CDC42EP3: variants seen among roughly 807,000 people sequenced by gnomAD.
CDC42EP3 encodes CDC42 effector protein 3.
In CDC42EP3, 4 loss-of-function variants were observed where a neutral mutation model predicts 15.5. That is an observed-to-expected ratio of 0.26 (90% CI 0.13 to 0.59). The LOEUF is 0.59. Among genes scored for constraint, CDC42EP3 ranks in the 20% least tolerant of loss-of-function variants. CDC42EP3 has a pLI of 0.89. For missense variants in CDC42EP3, 309 were observed against 311.2 expected (o/e 0.99, Z 0.05); for synonymous variants, 145 against 130.3 (o/e 1.11, Z -0.77).
intron 1 of CDC42EP3, among the ~76,000 whole-genome samples, chr2:37,666,516 A>C (rs1295736539): frequency 6.6e-6 from 1 of 152,200 alleles, no homozygotes; most frequent in Non-Finnish European, 1.5e-5. Flanking sequence ...ATAAAACCCA[A>C]TCCACTGAAA....
rs1197667590 is a variant in CDC42EP3, at chr2:37,666,262, C to T, written c.-236+5164G>A. 7.2e-5 allele frequency among the ~76,000 whole-genome samples: 11 copies of T among 152,318 alleles called. No individual in the cohort carries two copies. The Middle Eastern group carries it at 0.017, about 235-fold the overall frequency. On this transcript the variant is annotated intron_variant, in intron 1 of 1. Transcript: ENST00000295324. ...TCAGTGGGCAAAACCATTTGAGAAACTCTGGACACGACCTCCCTGTGGAGA... is the reference window on the plus strand; with the variant it reads ...TCAGTGGGCAAAACCATTTGAGAAATTCTGGACACGACCTCCCTGTGGAGA...
intron 1 of CDC42EP3, among the ~76,000 whole-genome samples, chr2:37,661,244 T>A (rs533071115): frequency 2.3e-4 from 35 of 152,132 alleles, no homozygotes; most frequent in Non-Finnish European, 4.3e-4. Context: ...AGTAAAGGTC[T>A]GGGTTTTGAA....
rs529244296 is a variant in CDC42EP3, at chr2:37,662,342, C to G, written c.-236+9084G>C. ...CACCTGGCAGGCAATGAGCCCATATCAATGGAAGGGGTAATGTTCATTATA... is the reference window on the plus strand; with the variant it reads ...CACCTGGCAGGCAATGAGCCCATATGAATGGAAGGGGTAATGTTCATTATA... On this transcript the variant is annotated intron_variant, in intron 1 of 1. Transcript: ENST00000295324. 5.3e-4 allele frequency among the ~76,000 whole-genome samples: 80 copies of G among 152,222 alleles called. 1 individual carries two copies. The South Asian group carries it at 6.2e-3, about 12-fold the overall frequency.
chr2:37,653,834 G>A (rs1665762669), intron 1 of CDC42EP3, among the ~76,000 whole-genome samples: 1 of 152,096 alleles, frequency 6.6e-6, no homozygotes, highest in Admixed American at 6.5e-5. Flanking sequence ...ATAAAAATGG[G>A]CAGGTGGGTT....
Position 37,645,640 on chromosome 2 carries a change from T to C in CDC42EP3, c.*183A>G, listed in dbSNP as rs1416938909. 2.8e-5 allele frequency: 14 copies of C among 499,368 alleles called. No individual in the cohort carries two copies. Among genetic ancestry groups the C allele is most frequent in the African/African-American group, 2.8e-4 (14 of 50,716 alleles). 30.9% of individuals were successfully genotyped at this position (499,368 alleles called of 1,614,324 possible). A position where few individuals can be genotyped will look rare whatever the true frequency, so the allele number is the denominator to read the frequency against. On this transcript the variant is annotated 3_prime_UTR_variant, in exon 2 of 2. Transcript: ENST00000295324. ...TTTTTTTGCCAAGATAGGTTTTGCTTTGTTGTTTTTTTCTAAATTGTTTTT... is the reference window on the plus strand; with the variant it reads ...TTTTTTTGCCAAGATAGGTTTTGCTCTGTTGTTTTTTTCTAAATTGTTTTT...
At chr2:37,652,099 C>T (rs1478801905) in intron 1 of CDC42EP3, among the ~76,000 whole-genome samples, 1 of 128,320 alleles carries the variant, frequency 7.8e-6, no homozygotes, top group African/African-American at 2.9e-5. Flanking sequence ...GGCATGAACC[C>T]GGGAGGCGGA....
intron 1 of CDC42EP3, among the ~76,000 whole-genome samples, chr2:37,669,121 A>G (rs72881332): frequency 0.057 from 8,674 of 152,148 alleles, 235 homozygotes; most frequent in Middle Eastern, 0.078. Flanking sequence ...AATAATAATA[A>G]TACGATCAGA....
At chr2:37,656,445 C>T (rs916668390) in intron 1 of CDC42EP3, among the ~76,000 whole-genome samples, 4 of 152,146 alleles carry the variant, frequency 2.6e-5, no homozygotes, top group Non-Finnish European at 4.4e-5. Flanking sequence ...GACTTGCTCC[C>T]GGGGGCCAAA....
At chr2:37,668,641 A>C (rs12477217) in intron 1 of CDC42EP3, among the ~76,000 whole-genome samples, 93,230 of 152,064 alleles carry the variant, frequency 0.61, 29,189 homozygotes, top group African/African-American at 0.72. Flanking sequence ...TGTGTTGTTA[A>C]ACTGCACACG....
In CDC42EP3 at chr2:37,642,170, T is replaced by C. The variant is rs1665288638; in HGVS notation, c.*3653A>G. 1.3e-5 allele frequency: 2 copies of C among 152,192 alleles called. No homozygotes were observed. The highest frequency in any genetic ancestry group is 4.8e-5 in the African/African-American group (2 of 41,446). 9.4% of individuals were successfully genotyped at this position (152,192 alleles called of 1,614,324 possible). A position where few individuals can be genotyped will look rare whatever the true frequency, so the allele number is the denominator to read the frequency against. ...AATAGTGCACCATCAGAATAAAGCA[T>C]GCAATATATTTACAGTCAGATGAAA... is the stretch of plus-strand genomic sequence containing the variant. On this transcript the variant is annotated 3_prime_UTR_variant, in exon 2 of 2. Coordinates refer to ENST00000295324, the MANE Select transcript of CDC42EP3 (RefSeq NM_006449.5).
chr2:37,660,783 A>G (rs1394250996), intron 1 of CDC42EP3, among the ~76,000 whole-genome samples: 1 of 136,618 alleles, frequency 7.3e-6, no homozygotes, highest in African/African-American at 2.7e-5. Flanking sequence ...CGTCTACCTT[A>G]AGGTTAAAAA....
intron 1 of CDC42EP3, among the ~76,000 whole-genome samples, chr2:37,654,247 A>C (rs975613772): frequency 3.9e-5 from 6 of 152,034 alleles, no homozygotes; most frequent in African/African-American, 1.4e-4. Flanking sequence ...CCACATTTAG[A>C]AGGGATAAAG....
chr2:37,662,740 AC>A (rs1451262662), intron 1 of CDC42EP3, among the ~76,000 whole-genome samples: 2 of 152,160 alleles, frequency 1.3e-5, no homozygotes, highest in Admixed American at 6.5e-5. Flanking sequence ...CCAAAAATCA[AC>A]ACTCTTTAGG....
chr2:37,646,437 C>G lies in CDC42EP3; in HGVS notation c.151G>C (p.Asp51His). 3.1e-6 allele frequency: 5 copies of G among 1,614,148 alleles called. No homozygotes were observed. The highest frequency in any genetic ancestry group is 4.2e-6 in the Non-Finnish European group (5 of 1,180,030). ...TIHIGKEGQH[D>H]VFGDISFLQG... Reference sequence around the variant, plus strand: ...AGAAAGGAAATATCTCCAAAGACATCGTGCTGGCCCTCTTTGCCAATGTGG... The same window carrying G: ...AGAAAGGAAATATCTCCAAAGACATGGTGCTGGCCCTCTTTGCCAATGTGG... The change falls in exon 2 of 2, where the codon GAT (aspartate) becomes CAT (histidine). Residue 51 changes from aspartate to histidine, a missense_variant. By Grantham distance (81) the Asp-to-His change is moderately conservative. Transcript: ENST00000295324.
intron 1 of CDC42EP3, among the ~76,000 whole-genome samples, chr2:37,665,841 A>T (rs569479583): frequency 9.4e-6 from 1 of 106,636 alleles, no homozygotes; most frequent in East Asian, 3.0e-4. Flanking sequence ...CTATGCTAAT[A>T]GGTGCCACTG....
intron 1 of CDC42EP3, among the ~76,000 whole-genome samples, chr2:37,658,668 C>T (rs72881313): frequency 0.035 from 5,317 of 152,222 alleles, 233 homozygotes; most frequent in African/African-American, 0.11. Context: ...TTCCAAAACC[C>T]AGCTATCATC....
intron 1 of CDC42EP3, among the ~76,000 whole-genome samples, chr2:37,671,134 C>T (rs1326202833): frequency 6.6e-6 from 1 of 152,254 alleles, no homozygotes; most frequent in Non-Finnish European, 1.5e-5. Context: ...CCCAGAATGG[C>T]TCTGCCAATA....
At chr2:37,648,431 G>T (rs888520978) in intron 1 of CDC42EP3, among the ~76,000 whole-genome samples, 6 of 152,202 alleles carry the variant, frequency 3.9e-5, no homozygotes, top group African/African-American at 1.4e-4. Flanking sequence ...ATTTACCAGT[G>T]GCAGGTGACA....
chr2:37,660,686 G>C (rs572827128), intron 1 of CDC42EP3, among the ~76,000 whole-genome samples: 1 of 151,446 alleles, frequency 6.6e-6, no homozygotes, highest in South Asian at 2.1e-4. Flanking sequence ...TTTTACTTTT[G>C]TTCATTTGGT....
Sources: allele counts gnomAD v4.1 joint callset (sites outside exome capture counted in the v4.1 genomes callset), GRCh38; gene constraint gnomAD v4.1.1; transcripts MANE v1.5; gene names NCBI Gene and HGNC (gene_info 2026-07-23, HGNC 2026-07-21).